The following DOCK7 variants were observed in gnomAD, a reference collection of about 807,000 sequenced individuals.
DOCK7 encodes the protein dedicator of cytokinesis 7.
In DOCK7, 138 loss-of-function variants were observed where a neutral mutation model predicts 271.0. That is an observed-to-expected ratio of 0.51 (90% CI 0.44 to 0.59). The LOEUF is 0.59. Among genes scored for constraint, DOCK7 ranks in the 20% least tolerant of loss-of-function variants. DOCK7 has a pLI of 0.00. For synonymous variants in DOCK7, 823 were observed against 876.1 expected (o/e 0.94, Z 1.07); for missense variants, 2,066 against 2,592.4 (o/e 0.80, Z 4.41).
At chr1:62,550,143 T>C (rs993832918) in intron 22 of DOCK7, among the ~76,000 whole-genome samples, 2 of 152,150 alleles carry the variant, frequency 1.3e-5, no homozygotes, top group African/African-American at 4.8e-5. Context: ...ATAGCATGCC[T>C]ATATGTGAAT....
At chr1:62,615,678 C>G (rs575899948) in intron 14 of DOCK7, among the ~76,000 whole-genome samples, 2 of 151,666 alleles carry the variant, frequency 1.3e-5, no homozygotes, top group African/African-American at 4.8e-5. Flanking sequence ...ATAAACTGTT[C>G]ACTCATGAGA....
At position 62,625,419 on chromosome 1, in the gene DOCK7, A is replaced by G; in HGVS notation, c.1283-18T>C. 6.4e-7 allele frequency: 1 copy of G among 1,571,866 alleles called. No homozygotes were observed. The highest frequency in any genetic ancestry group is 8.6e-7 in the Non-Finnish European group (1 of 1,161,316). On this transcript the variant is annotated intron_variant, in intron 11 of 49. Coordinates refer to ENST00000635253, the MANE Select transcript of DOCK7 (RefSeq NM_001367561.1). ...TTTTCGTTCTACAAAAGAATTAAAA[A>G]AAAAATTCATTTTCATAGAAGTTAA...
intron 43 of DOCK7, among the ~76,000 whole-genome samples, chr1:62,480,033 T>C (rs1646074603): frequency 6.6e-6 from 1 of 152,346 alleles, no homozygotes; most frequent in Admixed American, 6.5e-5. Context: ...TTTAAAACAA[T>C]ATTCCAATTC....
intron 48 of DOCK7, among the ~76,000 whole-genome samples, chr1:62,461,292 GAATT>G (rs987827418): frequency 1.8e-4 from 27 of 152,030 alleles, no homozygotes; most frequent in African/African-American, 5.8e-4. Flanking sequence ...TAAATTATTA[GAATT>G]AATAAGTCTA....
intron 18 of DOCK7, among the ~76,000 whole-genome samples, chr1:62,576,307 G>A (rs1646939482): frequency 6.6e-6 from 1 of 152,192 alleles, no homozygotes; most frequent in African/African-American, 2.4e-5. Context: ...GACTTCCTTG[G>A]TGAGGTGATA....
chr1:62,673,768 T>C (rs755309942), intron 1 of DOCK7, among the ~76,000 whole-genome samples: 1 of 152,192 alleles, frequency 6.6e-6, no homozygotes, highest in Admixed American at 6.5e-5. Context: ...CACCTTTCCT[T>C]TTTTACAACA....
At chr1:62,572,604 G>C (rs149470621) in intron 18 of DOCK7, among the ~76,000 whole-genome samples, 2 of 151,410 alleles carry the variant, frequency 1.3e-5, no homozygotes, top group East Asian at 1.9e-4. Flanking sequence ...TTCTCACCCT[G>C]GGTTGCAGAT....
intron 17 of DOCK7, among the ~76,000 whole-genome samples, chr1:62,578,158 GGT>G (rs1196848988): frequency 6.6e-6 from 1 of 151,598 alleles, no homozygotes; most frequent in East Asian, 1.9e-4. Flanking sequence ...AATACTCAAG[GGT>G]TTTAATTTAT....
intron 37 of DOCK7, among the ~76,000 whole-genome samples, chr1:62,501,971 C>G (rs1646797286): frequency 6.6e-6 from 1 of 151,988 alleles, no homozygotes; most frequent in Admixed American, 6.5e-5. Flanking sequence ...AAAACAAAAG[C>G]AGCAATGTAA....
chr1:62,519,006 T>TACAC (rs61224578), intron 31 of DOCK7, among the ~76,000 whole-genome samples: 16,410 of 148,144 alleles, frequency 0.11, 1,052 homozygotes, highest in Middle Eastern at 0.22. Flanking sequence ...AGTCATGCTA[T>TACAC]ACACACACAC....
At position 62,492,862 on chromosome 1, in the gene DOCK7, T is replaced by C. The variant is rs1280919916; in HGVS notation, c.5218-15A>G. 1.9e-6 allele frequency: 3 copies of C among 1,598,860 alleles called. No individual in the cohort carries two copies. The highest frequency in any genetic ancestry group is 1.3e-5 in the African/African-American group (1 of 74,160). On this transcript the variant is annotated splice_polypyrimidine_tract_variant and intron_variant, in intron 40 of 49. Coordinates refer to ENST00000635253, the MANE Select transcript of DOCK7 (RefSeq NM_001367561.1). ...GATGAAATATTCTAGGGAAAAAATA[T>C]ATTGAAAAGGTTTTTGAAACAGAAT...
intron 14 of DOCK7, among the ~76,000 whole-genome samples, chr1:62,606,565 C>G (rs1176283835): frequency 1.3e-5 from 2 of 152,128 alleles, no homozygotes; most frequent in Non-Finnish European, 2.9e-5. Flanking sequence ...AGACTACCTT[C>G]CCTTTTATCT....
At chr1:62,608,946 G>C (rs1334882440) in intron 14 of DOCK7, 1 of 152,150 alleles carries the variant, frequency 6.6e-6, no homozygotes, top group South Asian at 2.1e-4. Context: ...TTCCAAATTT[G>C]TACTCATATA....
chr1:62,600,622 T>C (rs1335965266), intron 14 of DOCK7, among the ~76,000 whole-genome samples: 1 of 151,840 alleles, frequency 6.6e-6, no homozygotes, highest in Admixed American at 6.6e-5. Flanking sequence ...TCTACAGATA[T>C]GTTTACAGGT....
At chr1:62,677,478 C>T (rs1479075073) in intron 1 of DOCK7, among the ~76,000 whole-genome samples, 2 of 152,064 alleles carry the variant, frequency 1.3e-5, no homozygotes, top group Admixed American at 1.3e-4. Flanking sequence ...GGACCCAATA[C>T]ACTCAGTTAC....
chr1:62,632,414 G>A (rs947760144), intron 10 of DOCK7, among the ~76,000 whole-genome samples: 1 of 152,078 alleles, frequency 6.6e-6, no homozygotes, highest in Non-Finnish European at 1.5e-5. Flanking sequence ...GTTCAGCCAG[G>A]TAATCAAGGA....
chr1:62,624,978 AAAAAC>A (rs1653760919), intron 12 of DOCK7: 1 of 214,760 alleles, frequency 4.7e-6, no homozygotes, highest in East Asian at 1.1e-4. Context: ...CTCAAGAAAA[AAAAAC>A]AAAAAAAAAC....
At chr1:62,652,608 G>C (rs1261401964) in intron 4 of DOCK7, among the ~76,000 whole-genome samples, 2 of 152,038 alleles carry the variant, frequency 1.3e-5, no homozygotes, top group Non-Finnish European at 2.9e-5. Flanking sequence ...TTATCCTCTT[G>C]CCTAAACCAA....
chr1:62,565,119 T>A (rs1646468069), intron 18 of DOCK7, among the ~76,000 whole-genome samples: 2 of 151,960 alleles, frequency 1.3e-5, no homozygotes, highest in Admixed American at 1.3e-4. Flanking sequence ...CTACCAGAGG[T>A]GCAAAGAAAA....
Sources: gnomAD v4.1 joint callset for allele counts (sites outside exome capture counted in the v4.1 genomes callset) on GRCh38, gnomAD v4.1.1 for gene constraint, MANE v1.5 for transcripts, NCBI Gene and HGNC (gene_info 2026-07-23, HGNC 2026-07-21) for gene names.